GNAI3: variants seen among roughly 807,000 people sequenced by gnomAD.
GNAI3 encodes G protein subunit alpha i3.
In GNAI3, 12 loss-of-function variants were observed where a neutral mutation model predicts 41.8. That is an observed-to-expected ratio of 0.29 (90% CI 0.18 to 0.47). The LOEUF (loss-of-function observed/expected upper bound fraction) is 0.47, where lower values mean the gene tolerates loss of function less well. Among genes scored for constraint, GNAI3 ranks in the 20% least tolerant of loss-of-function variants. The probability of loss-of-function intolerance (pLI) is 1.00; values close to 1 mark genes in which losing one functional copy is unlikely to be tolerated. For missense variants in GNAI3, 360 were observed against 429.6 expected (o/e 0.84, Z 1.43); for synonymous variants, 132 against 146.5 (o/e 0.90, Z 0.71).
chr1:109,591,686 C>G (rs1649176344), intron 7 of GNAI3: 1 of 392,352 alleles, frequency 2.5e-6, no homozygotes, highest in African/African-American at 2.1e-5. Flanking sequence ...GGAACACAGC[C>G]TCTCTCAGAC....
chr1:109,574,499 G>A (rs1648686058), intron 3 of GNAI3, among the ~76,000 whole-genome samples: 1 of 152,084 alleles, frequency 6.6e-6, no homozygotes, highest in African/African-American at 2.4e-5. Context: ...AGATATTCAA[G>A]AATACTGTAT....
intron 1 of GNAI3, among the ~76,000 whole-genome samples, chr1:109,554,789 A>G (rs1407209559): frequency 1.3e-5 from 2 of 152,158 alleles, no homozygotes; most frequent in African/African-American, 4.8e-5. Context: ...GCCTAAGCCA[A>G]TGGCTAGAAG....
Position 109,582,572 on chromosome 1 carries a change from CATT to C in GNAI3, c.590+9_590+11del. On this transcript the variant is annotated splice_region_variant and intron_variant, in intron 5 of 8. Transcript: ENST00000369851. ...TCAAAGACCTATACTTCAAGTAAGT[CATT>C]AGCCTTTTTGCTAGGTGTGCCAAAT... is the stretch of plus-strand genomic sequence containing the variant. 1 of 1,599,816 alleles carries C rather than the reference CATT, an allele frequency of 6.3e-7. No homozygotes were observed. Among genetic ancestry groups the C allele is most frequent in the Non-Finnish European group, 8.6e-7 (1 of 1,167,496 alleles).
Position 109,582,481 on chromosome 1 carries a change from C to T in GNAI3, c.506C>T (p.Pro169Leu). 6.3e-7 allele frequency: 1 copy of T among 1,596,106 alleles called. No homozygotes were observed. The highest frequency in any genetic ancestry group is 8.6e-7 in the Non-Finnish European group (1 of 1,163,568). Reference sequence around the variant, plus strand: ...AGAATATCCCAGTCTAACTACATTCCAACTCAGCAAGATGTTCTTCGGACG... The same window carrying T: ...AGAATATCCCAGTCTAACTACATTCTAACTCAGCAAGATGTTCTTCGGACG... ...LDRISQSNYI[P>L]TQQDVLRTRV... The change falls in exon 5 of 9, where the codon CCA becomes CTA. Residue 169 changes from proline to leucine, a missense_variant. By Grantham distance (98) the Pro-to-Leu change is moderately conservative. Transcript: ENST00000369851.
At chr1:109,556,756 C>A (rs747365075) in intron 1 of GNAI3, among the ~76,000 whole-genome samples, 1 of 152,198 alleles carries the variant, frequency 6.6e-6, no homozygotes, top group Non-Finnish European at 1.5e-5. Flanking sequence ...TCATCTCTTA[C>A]AACCAGTCAG....
rs1186695654 is a variant in GNAI3, at chr1:109,600,010, A to G, written c.*7688A>G. The G allele has an allele frequency of 1.3e-5, 2 of 151,962 alleles. No individual in the cohort carries two copies. Among genetic ancestry groups the G allele is most frequent in the African/African-American group, 4.8e-5 (2 of 41,370 alleles). 9.4% of individuals were successfully genotyped at this position (151,962 alleles called of 1,614,324 possible). ...CTTCCTTCCTGGGCTTCAGTTTTTGATCTATAAATTGCTAGTGATGGGGCT... is the reference window on the plus strand; with the variant it reads ...CTTCCTTCCTGGGCTTCAGTTTTTGGTCTATAAATTGCTAGTGATGGGGCT... On this transcript the variant is annotated 3_prime_UTR_variant, in exon 9 of 9. Transcript: ENST00000369851.
In GNAI3 at chr1:109,586,830, T is replaced by C; in HGVS notation, c.822T>C (p.Phe274=). ...IILFLNKKDL[F]EEKIKRSPLT... is the part of the protein sequence containing the mutation. The stretch of plus-strand genomic sequence containing the variant: ...TCTTCCTTAACAAGAAAGACCTTTT[T>C]GAGGAAAAAATAAAGAGGAGTCCGT... Residue 274 remains phenylalanine (F), a synonymous_variant, in exon 7 of 9, where the codon TTT becomes TTC. Coordinates refer to ENST00000369851, the MANE Select transcript of GNAI3 (RefSeq NM_006496.4). The C allele has an allele frequency of 6.2e-7, 1 of 1,602,654 alleles. No homozygotes were observed. The highest frequency in any genetic ancestry group is 1.1e-5 in the South Asian group (1 of 90,784).
rs139114794 is a variant in GNAI3 at position 109,587,148 on chromosome 1, G to C, written c.874+266G>C. 2.6e-5 allele frequency among the ~76,000 whole-genome samples: 4 copies of C among 152,154 alleles called. No individual in the cohort carries two copies. In the East Asian group the frequency reaches 7.7e-4, roughly 29 times the overall value. ...GGAGAAAAAGTAAATTTGGGAGCTG[G>C]GCATGGTGGCTATAATTCTAGCTAC... On this transcript the variant is annotated intron_variant, in intron 7 of 8. Transcript: ENST00000369851.
chr1:109,581,653 C>T (rs929477312), intron 4 of GNAI3, among the ~76,000 whole-genome samples: 6 of 152,038 alleles, frequency 3.9e-5, no homozygotes, highest in East Asian at 1.9e-4. Context: ...TTTGGGAGGC[C>T]GAGACAGACG....
In GNAI3 at chr1:109,598,890, G is replaced by A. The variant is rs753488941; in HGVS notation, c.*6568G>A. ...GAAATCCTTCTGGAATCTGTGCTCT[G>A]GGGGCTGTGCCGGGTAGAGAGGGCA... On this transcript the variant is annotated 3_prime_UTR_variant, in exon 9 of 9. Transcript: ENST00000369851. 2 of 534,660 alleles carry A rather than the reference G, an allele frequency of 3.7e-6. No individual in the cohort carries two copies. Among genetic ancestry groups the A allele is most frequent in the Admixed American group, 1.9e-5 (1 of 51,598 alleles). 33.1% of individuals were successfully genotyped at this position (534,660 alleles called of 1,614,324 possible). A position where few individuals can be genotyped will look rare whatever the true frequency, so the allele number is the denominator to read the frequency against.
intron 3 of GNAI3, among the ~76,000 whole-genome samples, chr1:109,575,333 A>G (rs972458781): frequency 3.3e-5 from 5 of 150,402 alleles, no homozygotes; most frequent in African/African-American, 1.2e-4. Context: ...ATTTCTCCCT[A>G]TCACCTAACT....
intron 5 of GNAI3, among the ~76,000 whole-genome samples, chr1:109,583,022 T>G (rs148985550): frequency 6.6e-6 from 1 of 152,262 alleles, no homozygotes; most frequent in East Asian, 1.9e-4. Context: ...TCACTTCTTA[T>G]TGGTTTGAAT....
intron 7 of GNAI3, among the ~76,000 whole-genome samples, chr1:109,590,435 C>G (rs1165184120): frequency 6.6e-6 from 1 of 152,184 alleles, no homozygotes; most frequent in East Asian, 1.9e-4. Context: ...ATTATCTGTT[C>G]CTAGCAGACA....
chr1:109,599,078 C>T lies in GNAI3; in HGVS notation c.*6756C>T. On this transcript the variant is annotated 3_prime_UTR_variant, in exon 9 of 9. Transcript: ENST00000369851. ...CTCTGTTTTGGACTATTTGGAGGTA[C>T]ATGTGAGTGGATTTTATTACCAGAG... The T allele has an allele frequency of 2.8e-6, 1 of 354,808 alleles. No homozygotes were observed. Among genetic ancestry groups the T allele is most frequent in the Non-Finnish European group, 6.6e-6 (1 of 152,306 alleles). 22.0% of individuals were successfully genotyped at this position (354,808 alleles called of 1,614,324 possible). A position where few individuals can be genotyped will look rare whatever the true frequency, so the allele number is the denominator to read the frequency against.
At chr1:109,590,831 C>T (rs1308203038) in intron 7 of GNAI3, among the ~76,000 whole-genome samples, 1 of 152,164 alleles carries the variant, frequency 6.6e-6, no homozygotes, top group African/African-American at 2.4e-5. Context: ...CCCCAAAGTG[C>T]AGGGATTACA....
Position 109,582,557 on chromosome 1 carries a change from A to G in GNAI3, c.582A>G (p.Leu194=), listed in dbSNP as rs1339224234. ...IVETHFTFKD[L]YFKMFDVGGQ... is the part of the protein sequence containing the mutation. ...AAACACATTTCACCTTCAAAGACCT[A>G]TACTTCAAGTAAGTCATTAGCCTTT... The change falls in exon 5 of 9, where the codon CTA becomes CTG. Residue 194 remains leucine (L), a synonymous_variant. Transcript: ENST00000369851. 2 of 1,606,882 alleles carry G rather than the reference A, an allele frequency of 1.2e-6. No individual in the cohort carries two copies. The highest frequency in any genetic ancestry group is 1.3e-5 in the African/African-American group (1 of 74,810).
Position 109,599,875 on chromosome 1 carries a change from T to C in GNAI3, c.*7553T>C, listed in dbSNP as rs1180476269. 6.6e-6 allele frequency: 1 copy of C among 152,174 alleles called. No individual in the cohort carries two copies. The highest frequency in any genetic ancestry group is 2.4e-5 in the African/African-American group (1 of 41,428). 9.4% of individuals were successfully genotyped at this position (152,174 alleles called of 1,614,324 possible). ...AGAAATTGGCTTTGATTTTATAGTG[T>C]ATGGTGCTCTGTTGGTAGCTGGACA... On this transcript the variant is annotated 3_prime_UTR_variant, in exon 9 of 9. Coordinates refer to ENST00000369851, the MANE Select transcript of GNAI3 (RefSeq NM_006496.4).
intron 6 of GNAI3, 27 bp from the exon 7 acceptor site, chr1:109,586,702 A>G (rs772241144): frequency 6.5e-6 from 10 of 1,543,266 alleles, no homozygotes; most frequent in African/African-American, 1.4e-5. Context: ...TTTGCTACTG[A>G]CCTATCATCC....
At chr1:109,561,917 A>G (rs1388906640) in intron 1 of GNAI3, among the ~76,000 whole-genome samples, 1 of 152,204 alleles carries the variant, frequency 6.6e-6, no homozygotes, top group African/African-American at 2.4e-5. Flanking sequence ...ATATCCAGAC[A>G]AAGGGAATAG....
Sources: allele counts gnomAD v4.1 joint callset (sites outside exome capture counted in the v4.1 genomes callset), GRCh38; gene constraint gnomAD v4.1.1; transcripts MANE v1.5; gene names NCBI Gene and HGNC (gene_info 2026-07-23, HGNC 2026-07-21).